Variants in CDKL5 observed in about 807,000 individuals in gnomAD.
CDKL5 encodes cyclin-dependent kinase-like 5.
CDKL5 carries 8 observed loss-of-function variants against 61.7 expected under a neutral mutation model. That is an observed-to-expected ratio of 0.13 (90% CI 0.08 to 0.23). The LOEUF is 0.23. CDKL5 is among the 10% of genes least tolerant of loss of function. The pLI, the probability that CDKL5 is intolerant of heterozygous loss-of-function variation, is 1.00. For missense variants in CDKL5, 440 were observed against 734.5 expected (o/e 0.60, Z 4.63); for synonymous variants, 275 against 272.3 (o/e 1.01, Z -0.10).
chrX:18,587,022 T>G (rs918326692), intron 8 of CDKL5, among the ~76,000 whole-genome samples: 7 of 112,379 alleles, frequency 6.2e-5, no homozygotes, highest in Non-Finnish European at 1.3e-4. Context: ...TAACAGTCCT[T>G]TGATTTAAAA....
chrX:18,653,283 T>C (rs1928124786), intron 21 of CDKL5: 1 of 1,093,544 alleles, frequency 9.1e-7, no homozygotes, highest in Non-Finnish European at 1.2e-6. Context: ...ACAGAGCTTT[T>C]AGTATTTTTA....
chrX:18,511,413 G>A (rs943280096), intron 3 of CDKL5, among the ~76,000 whole-genome samples: 1 of 109,528 alleles, frequency 9.1e-6, no homozygotes, highest in Non-Finnish European at 1.9e-5. Flanking sequence ...GACCTATGCC[G>A]TGCACCTCAT....
intron 21 of CDKL5, among the ~76,000 whole-genome samples, chrX:18,651,264 T>TGAGAGAGAGAGAGAGA (rs1191836877): frequency 1.4e-5 from 1 of 69,008 alleles, no homozygotes; most frequent in African/African-American, 6.3e-5. Context: ...TGTGTGTGTG[T>TGAGAGAGAGAGAGAGA]GAGAGAGAGA....
At chrX:18,608,729 A>G (rs2147164104) in intron 12 of CDKL5, 82 bp from the exon 13 acceptor site, 2 of 630,038 alleles carry the variant, frequency 3.2e-6, no homozygotes, top group Admixed American at 2.5e-5. Context: ...TTATGGTCCT[A>G]GTTCTACCAA....
Position 18,631,839 on chromosome X carries a change from G to A in CDKL5, c.*3082G>A. 1 of 754,244 alleles carries A rather than the reference G, an allele frequency of 1.3e-6. No homozygotes were observed. Among genetic ancestry groups the A allele is most frequent in the Non-Finnish European group, 1.6e-6 (1 of 639,308 alleles). 62.2% of individuals were successfully genotyped at this position (754,244 alleles called of 1,213,427 possible). On this transcript the variant is annotated 3_prime_UTR_variant, in exon 18 of 18. Transcript: ENST00000623535. ...TCTTTCTAGAGCCCAAGACCAAAAG[G>A]GAGTGCTTCATGCTGAGGGGCTCAA...
At chrX:18,579,749 C>G (rs4825261) in intron 5 of CDKL5, 99 bp from the exon 6 acceptor site, 22 of 785,485 alleles carry the variant, frequency 2.8e-5, no homozygotes, top group Non-Finnish European at 4.2e-5. Context: ...AAAAAAAGCT[C>G]TGTATTGGAT....
At chrX:18,512,790 G>C (rs1216039379) in intron 3 of CDKL5, among the ~76,000 whole-genome samples, 1 of 111,204 alleles carries the variant, frequency 9.0e-6, no homozygotes, top group Non-Finnish European at 1.9e-5. Context: ...TACTTTTAAT[G>C]ACTTGCCTTT....
chrX:18,459,951 C>T (rs1264735673), intron 1 of CDKL5, among the ~76,000 whole-genome samples: 1 of 109,455 alleles, frequency 9.1e-6, no homozygotes, highest in East Asian at 2.9e-4. Context: ...CGGCTCACTG[C>T]AACCTCTGCC....
chrX:18,571,170 C>G (rs1925124503), intron 4 of CDKL5, among the ~76,000 whole-genome samples: 1 of 111,481 alleles, frequency 9.0e-6, no homozygotes, highest in Non-Finnish European at 1.9e-5. Context: ...ATAATTGCAA[C>G]TAAAATGCTG....
Position 18,628,815 on chromosome X carries a change from G to T in CDKL5, c.*58G>T. On this transcript the variant is annotated 3_prime_UTR_variant, in exon 18 of 18. Transcript: ENST00000623535. ...AAGCCAGTGGGGAGGGGTGGGAAAG[G>T]GTGGGCTGGGCTTGGGGCATGGGCC... 1 of 1,051,371 alleles carries T rather than the reference G, an allele frequency of 9.5e-7. No homozygotes were observed. Among genetic ancestry groups the T allele is most frequent in the African/African-American group, 1.9e-5 (1 of 52,574 alleles). The allele number at this position is 1,051,371 out of a possible 1,213,427, so 86.6% of individuals were successfully genotyped here. A position where few individuals can be genotyped will look rare whatever the true frequency, so the allele number is the denominator to read the frequency against.
chrX:18,597,291 GA>G (rs1926027872), intron 10 of CDKL5, among the ~76,000 whole-genome samples: 1 of 110,234 alleles, frequency 9.1e-6, no homozygotes, highest in Non-Finnish European at 1.9e-5. Flanking sequence ...ATTTCAAAGA[GA>G]AATATTCTCT....
chrX:18,606,521 G>C (rs1926372791), intron 12 of CDKL5, among the ~76,000 whole-genome samples: 1 of 112,472 alleles, frequency 8.9e-6, no homozygotes, highest in African/African-American at 3.2e-5. Flanking sequence ...TTCCACTACT[G>C]TGAGGTTACA....
chrX:18,468,415 CATT>C (rs1412862452), intron 1 of CDKL5, among the ~76,000 whole-genome samples: 1 of 112,276 alleles, frequency 8.9e-6, no homozygotes, highest in Non-Finnish European at 1.9e-5. Flanking sequence ...TTTAGTGAAT[CATT>C]AGTTGTATGT....
At chrX:18,609,785 ACC>A (rs1481012290) in intron 14 of CDKL5, among the ~76,000 whole-genome samples, 32 of 111,247 alleles carry the variant, frequency 2.9e-4, no homozygotes, top group Non-Finnish European at 3.8e-5. Context: ...TCTCCAAGGT[ACC>A]CATCAATATA....
intron 1 of CDKL5, among the ~76,000 whole-genome samples, chrX:18,474,646 A>G (rs1921235467): frequency 8.9e-6 from 1 of 112,365 alleles, no homozygotes; most frequent in Non-Finnish European, 1.9e-5. Context: ...GACTTGTTCA[A>G]AGTAGCAGAG....
intron 4 of CDKL5, among the ~76,000 whole-genome samples, chrX:18,572,505 G>A (rs1273187172): frequency 8.9e-6 from 1 of 112,214 alleles, no homozygotes; most frequent in Non-Finnish European, 1.9e-5. Flanking sequence ...AGCACTGTCA[G>A]TGTTCTGTAT....
chrX:18,455,136 G>A (rs1368843583), intron 1 of CDKL5, among the ~76,000 whole-genome samples: 1 of 111,067 alleles, frequency 9.0e-6, no homozygotes, highest in Non-Finnish European at 1.9e-5. Flanking sequence ...CAGTTTCGAC[G>A]ACTTGAAAGT....
At position 18,628,768 on chromosome X, in the gene CDKL5, TAGGGGGG is replaced by T; in HGVS notation, c.*17_*23del. ...GAGACAGCCTTGTAATTTGTGCTGG[TAGGGGGG>T]AGGGGTGGACAGACAAGCCAGTGGG... On this transcript the variant is annotated 3_prime_UTR_variant, in exon 18 of 18. Coordinates refer to ENST00000623535, the MANE Select transcript of CDKL5 (RefSeq NM_001323289.2). The T allele has an allele frequency of 1.3e-6, 1 of 747,556 alleles. No homozygotes were observed. The highest frequency in any genetic ancestry group is 1.6e-6 in the Non-Finnish European group (1 of 641,365). 61.6% of individuals were successfully genotyped at this position (747,556 alleles called of 1,213,427 possible). A position where few individuals can be genotyped will look rare whatever the true frequency, so the allele number is the denominator to read the frequency against.
intron 1 of CDKL5, among the ~76,000 whole-genome samples, chrX:18,480,318 G>A (rs949490219): frequency 2.7e-5 from 3 of 111,557 alleles, no homozygotes; most frequent in African/African-American, 9.8e-5. Context: ...GATTAGACTG[G>A]TGTTGCAGGT....
Sources: allele counts gnomAD v4.1 joint callset (sites outside exome capture counted in the v4.1 genomes callset), GRCh38; gene constraint gnomAD v4.1.1; transcripts MANE v1.5; gene names NCBI Gene and HGNC (gene_info 2026-07-23, HGNC 2026-07-21).